NBPF15: variants seen among roughly 807,000 people sequenced by gnomAD.
NBPF15 encodes NBPF family member NBPF15.
Under a neutral mutation model 62.2 loss-of-function variants are expected in NBPF15, and 74 were observed. The observed-to-expected ratio is 1.19, with a 90% CI of 0.99 to 1.44. The LOEUF (loss-of-function observed/expected upper bound fraction) is 1.44. NBPF15 is among the 40% of genes most tolerant of loss of function. The pLI, the probability that NBPF15 is intolerant of heterozygous loss-of-function variation, is 0.00. For synonymous variants in NBPF15, 244 were observed against 209.7 expected (o/e 1.16, Z -1.41); for missense variants, 790 against 550.0 (o/e 1.44, Z -4.36).
chr1:144,426,804 A>G (rs1345223874), intron 17 of NBPF15, among the ~76,000 whole-genome samples: 1 of 151,258 alleles, frequency 6.6e-6, no homozygotes, highest in Non-Finnish European at 1.5e-5. Context: ...AAACTTGCTC[A>G]AGATTCCATG....
chr1:144,459,588 A>T (rs1391662061), intron 2 of NBPF15, 105 bp from the exon 3 acceptor site: 1 of 151,866 alleles, frequency 6.6e-6, no homozygotes, highest in Admixed American at 6.6e-5. Flanking sequence ...GAAATGCAAT[A>T]CATATATATC....
At chr1:144,456,239 A>G (rs1553546943) in intron 4 of NBPF15, among the ~76,000 whole-genome samples, 2 of 151,382 alleles carry the variant, frequency 1.3e-5, no homozygotes, top group Non-Finnish European at 2.9e-5. Context: ...AATGGGGGGT[A>G]AGAGGGGAAG....
At chr1:144,434,949 G>A (rs1239852109) in intron 12 of NBPF15, among the ~76,000 whole-genome samples, 162 bp downstream of exon 12, 1 of 151,984 alleles carries the variant, frequency 6.6e-6, no homozygotes, top group African/African-American at 2.4e-5. Context: ...GGCAGACAAA[G>A]GCATGACATT....
intron 8 of NBPF15, 55 bp downstream of exon 8, chr1:144,439,774 A>G (rs1393943680): frequency 2.0e-5 from 28 of 1,375,304 alleles, no homozygotes; most frequent in Middle Eastern, 5.0e-4. Flanking sequence ...AGTGTCTCAG[A>G]GAGAAGACAG....
chr1:144,434,989 A>G (rs2101998290), intron 12 of NBPF15, 122 bp downstream of exon 12: 3 of 1,572,928 alleles, frequency 1.9e-6, no homozygotes, highest in East Asian at 4.5e-5. Flanking sequence ...ACTCCCTGAT[A>G]TCTGTTTAGA....
rs1196701191 is a variant in NBPF15 at position 144,440,043 on chromosome 1, G to T, written c.-35-5C>A. The T allele has an allele frequency of 1.3e-6, 2 of 1,589,422 alleles. No homozygotes were observed. ...CAGAAGAGGTGGAGTCAGGGACTGGGGAGAAGAAACCCAAACATATGATGG... is the reference window on the plus strand; with the variant it reads ...CAGAAGAGGTGGAGTCAGGGACTGGTGAGAAGAAACCCAAACATATGATGG... On this transcript the variant is annotated splice_region_variant and splice_polypyrimidine_tract_variant and intron_variant, in intron 7 of 21. Transcript: ENST00000581897.
chr1:144,441,364 G>A (rs1167155910), intron 6 of NBPF15, among the ~76,000 whole-genome samples: 5 of 151,866 alleles, frequency 3.3e-5, no homozygotes, highest in African/African-American at 9.7e-5. Flanking sequence ...ACTACACCAG[G>A]TGTGTAGTGA....
intron 6 of NBPF15, among the ~76,000 whole-genome samples, chr1:144,445,332 A>T (rs1202467738): frequency 2.2e-5 from 2 of 92,542 alleles, no homozygotes; most frequent in Non-Finnish European, 4.4e-5. Context: ...CAAAACGGTG[A>T]ATATATATAT....
intron 6 of NBPF15, among the ~76,000 whole-genome samples, chr1:144,441,742 C>T (rs2102285681): frequency 6.6e-6 from 1 of 151,500 alleles, no homozygotes; most frequent in South Asian, 2.1e-4. Context: ...TTTTCCTTTA[C>T]AAGGTTTCTA....
chr1:144,427,707 C>T (rs1388376666), intron 16 of NBPF15, 111 bp downstream of exon 16: 1 of 616,142 alleles, frequency 1.6e-6, no homozygotes, highest in Non-Finnish European at 2.9e-6. Context: ...CCTATAGGTC[C>T]TCCCTGTGGC....
Position 144,439,903 on chromosome 1 carries a change from T to G in NBPF15, c.101A>C (p.Gln34Pro). The G allele has an allele frequency of 6.2e-7, 1 of 1,611,582 alleles. No homozygotes were observed. Among genetic ancestry groups the G allele is most frequent in the Non-Finnish European group, 8.5e-7 (1 of 1,179,234 alleles). Residue 34 changes from glutamine (Q) to proline (P), a missense_variant, in exon 8 of 22, where the codon CAG (glutamine) becomes CCG (proline). Gln to Pro is a moderately conservative substitution (Grantham distance 76). Coordinates refer to ENST00000581897, the MANE Select transcript of NBPF15 (RefSeq NM_001385408.1). ...LRPQLAEKKQQFRNLKEKCFL... is the reference protein window; with the variant it reads ...LRPQLAEKKQPFRNLKEKCFL... Reference sequence around the variant, plus strand: ...ACATTTCTCTTTGAGGTTTCTGAACTGCTGTTTCTTCTCTGCCAACTGGGG... The same window carrying G: ...ACATTTCTCTTTGAGGTTTCTGAACGGCTGTTTCTTCTCTGCCAACTGGGG...
chr1:144,427,804 A>T lies in NBPF15; in HGVS notation c.1213+14T>A, dbSNP rs1670874235. 1.5e-6 allele frequency: 1 copy of T among 688,172 alleles called. No individual in the cohort carries two copies. Among genetic ancestry groups the T allele is most frequent in the African/African-American group, 1.8e-5 (1 of 55,104 alleles). 42.6% of individuals were successfully genotyped at this position (688,172 alleles called of 1,614,324 possible). On this transcript the variant is annotated intron_variant, in intron 16 of 21. Coordinates refer to ENST00000581897, the MANE Select transcript of NBPF15 (RefSeq NM_001385408.1). ...CTCAGTGGATCCTTATCACCTTCAT[A>T]GAAAGGTACTCACCATCCATGTCAA...
rs1314225061 is a variant in NBPF15, at chr1:144,423,940, C to G, written c.1699G>C (p.Gly567Arg). ...EKKGKGKKRRGRRSKKKRRRG... is the reference protein window; with the variant it reads ...EKKGKGKKRRRRRSKKKRRRG... ...CTTCTTTTCTTCTTTGATCTTCTTC[C>G]CCTTCTTTTCTTCCCCTTCCCCTTC... The change falls in exon 21 of 22, where the codon GGA becomes CGA. Residue 567 changes from glycine to arginine, a missense_variant. Transcript: ENST00000581897. 1 of 783,908 alleles carries G rather than the reference C, an allele frequency of 1.3e-6. No individual in the cohort carries two copies. 48.6% of individuals were successfully genotyped at this position (783,908 alleles called of 1,614,324 possible). A position where few individuals can be genotyped will look rare whatever the true frequency, so the allele number is the denominator to read the frequency against.
rs782453480 is a variant in NBPF15 at position 144,423,146 on chromosome 1, T to C, written c.1880A>G (p.His627Arg). The C allele has an allele frequency of 2.5e-6, 4 of 1,608,496 alleles. No homozygotes were observed. The South Asian group carries it at 3.3e-5, about 13-fold the overall frequency. The part of the protein sequence containing the change: ...MYFEQPDSFQ[H>R]YRSVFYSFEE... ...AAATGAGTAAAACACACTTCTGTAG[T>C]GCTGGAATGAGTCAGGTTGTTCAAA... Residue 627 changes from histidine to arginine, a missense_variant, in exon 22 of 22, where the codon CAC becomes CGC. Transcript: ENST00000581897.
At chr1:144,429,297 G>T (rs1672446246) in intron 14 of NBPF15, among the ~76,000 whole-genome samples, 1 of 149,280 alleles carries the variant, frequency 6.7e-6, no homozygotes, top group Non-Finnish European at 1.5e-5. Context: ...CCTTGGGCAG[G>T]TAAAGAACCA....
In NBPF15 at chr1:144,452,517, G is replaced by T. The variant is rs782377715; in HGVS notation, c.-431-1647C>A. ...CCCAGTCATGGGGACCAGGGATTAG[G>T]AAATGACTACAAACAGGTTCAAGGG... On this transcript the variant is annotated intron_variant, in intron 4 of 21. Coordinates refer to ENST00000581897, the MANE Select transcript of NBPF15 (RefSeq NM_001385408.1). 4.8e-3 allele frequency among the ~76,000 whole-genome samples: 720 copies of T among 151,490 alleles called. 8 individuals are homozygous for T. The highest frequency in any genetic ancestry group is 8.0e-3 in the Admixed American group (122 of 15,224).
Position 144,461,461 on chromosome 1 carries a change from C to G in NBPF15, c.-1018G>C, listed in dbSNP as rs1240643424. ...TGTAAACCGTAACTTCCCATCCAGACGGCATCCGTGCGCCACGCCTCGGCC... is the reference window on the plus strand; with the variant it reads ...TGTAAACCGTAACTTCCCATCCAGAGGGCATCCGTGCGCCACGCCTCGGCC... On this transcript the variant is annotated 5_prime_UTR_variant, in exon 1 of 22. Coordinates refer to ENST00000581897, the MANE Select transcript of NBPF15 (RefSeq NM_001385408.1). 1.3e-5 allele frequency: 2 copies of G among 152,562 alleles called. No individual in the cohort carries two copies. Among genetic ancestry groups the G allele is most frequent in the East Asian group, 1.9e-4 (1 of 5,166 alleles). 9.5% of individuals were successfully genotyped at this position (152,562 alleles called of 1,614,324 possible).
rs1210029064 is a variant in NBPF15 at position 144,426,202 on chromosome 1, G to T, written c.1438+76C>A. 1.0e-4 allele frequency: 61 copies of T among 603,544 alleles called. 1 individual carries two copies. The East Asian group carries it at 1.0e-3, about 10-fold the overall frequency. 37.4% of individuals were successfully genotyped at this position (603,544 alleles called of 1,614,324 possible). A position where few individuals can be genotyped will look rare whatever the true frequency, so the allele number is the denominator to read the frequency against. ...AATGACATCTCTCGGGTCAGTAAGG[G>T]CCACTTGGAACAGGAATATCACCCC... On this transcript the variant is annotated intron_variant, in intron 18 of 21. Coordinates refer to ENST00000581897, the MANE Select transcript of NBPF15 (RefSeq NM_001385408.1).
In NBPF15 at chr1:144,445,952, G is replaced by T. The variant is rs587636438; in HGVS notation, c.-191+2823C>A. ...GCTCACTGCAACCTCTGCCTCCCAG[G>T]TTCAAGTGATCCTCCTGCCTCAGCC... On this transcript the variant is annotated intron_variant, in intron 6 of 21. Coordinates refer to ENST00000581897, the MANE Select transcript of NBPF15 (RefSeq NM_001385408.1). 3.6e-3 allele frequency among the ~76,000 whole-genome samples: 533 copies of T among 147,000 alleles called. 8 individuals are homozygous for T. The highest frequency in any genetic ancestry group is 6.4e-3 in the Non-Finnish European group (428 of 67,144).
Sources: gnomAD v4.1 joint callset for allele counts (sites outside exome capture counted in the v4.1 genomes callset) on GRCh38, gnomAD v4.1.1 for gene constraint, MANE v1.5 for transcripts, NCBI Gene and HGNC (gene_info 2026-07-23, HGNC 2026-07-21) for gene names.